FBN1: variants seen among roughly 807,000 people sequenced by gnomAD.
FBN1 encodes fibrillin-1.
Under a neutral mutation model 365.1 loss-of-function variants are expected in FBN1, and 29 were observed. The observed-to-expected ratio is 0.08, with a 90% CI of 0.06 to 0.11. FBN1 has a LOEUF of 0.11. FBN1 is among the 10% of genes least tolerant of loss of function. The pLI is 1.00. For missense variants in FBN1, 2,476 were observed against 3,703.2 expected, an observed-to-expected ratio of 0.67 and a Z score of 8.60; for synonymous variants, 1,210 against 1,270.5, an observed-to-expected ratio of 0.95 and a Z score of 1.01.
chr15:48,621,516 T>C (rs1889764813), intron 2 of FBN1, among the ~76,000 whole-genome samples: 1 of 152,136 alleles, frequency 6.6e-6, no homozygotes, highest in Admixed American at 6.5e-5. Flanking sequence ...CTAAAAACTG[T>C]CAAGGTCATT....
At chr15:48,458,623 TA>T (rs1187611017) in intron 43 of FBN1, among the ~76,000 whole-genome samples, 1 of 152,236 alleles carries the variant, frequency 6.6e-6, no homozygotes, top group Non-Finnish European at 1.5e-5. Context: ...AGTTTAACAA[TA>T]ACGGGCTGAG....
chr15:48,416,901 T>C (rs1466960539), intron 63 of FBN1, among the ~76,000 whole-genome samples: 4 of 152,260 alleles, frequency 2.6e-5, no homozygotes, highest in Non-Finnish European at 1.5e-5. Context: ...TGAATGTTTA[T>C]TAGATACCTA....
rs761188772 is a variant in FBN1 at position 48,460,264 on chromosome 15, A to C, written c.5278T>G (p.Tyr1760Asp). 1 of 1,613,608 alleles carries C rather than the reference A, an allele frequency of 6.2e-7. No homozygotes were observed. The highest frequency in any genetic ancestry group is 1.1e-5 in the South Asian group (1 of 91,078). The change falls in exon 43 of 66, where the codon TAT becomes GAT. Residue 1760 changes from tyrosine (Y) to aspartate (D), a missense_variant. By Grantham distance (160) the Tyr-to-Asp change is radical. Transcript: ENST00000316623. The part of the protein sequence containing the change: ...SQRPGFVIDI[Y>D]TGLPVDIDEC... ...GACTCACCAACGGGTAAACCGGTATAAATGTCGATGACAAAGCCTGGCCTT... is the reference window on the plus strand; with the variant it reads ...GACTCACCAACGGGTAAACCGGTATCAATGTCGATGACAAAGCCTGGCCTT...
At chr15:48,455,837 G>GT (rs199519630) in intron 44 of FBN1, among the ~76,000 whole-genome samples, 38 of 149,454 alleles carry the variant, frequency 2.5e-4, no homozygotes, top group African/African-American at 6.6e-4. Context: ...AGACAAAAAA[G>GT]TTTTTTTTTT....
chr15:48,580,556 C>T (rs569088831), intron 6 of FBN1, among the ~76,000 whole-genome samples: 23 of 152,202 alleles, frequency 1.5e-4, no homozygotes, highest in Non-Finnish European at 2.8e-4. Context: ...GTCAAAAGAC[C>T]GGGTTGTTCT....
At chr15:48,494,463 T>C (rs1223517761) in intron 22 of FBN1, among the ~76,000 whole-genome samples, 1 of 152,180 alleles carries the variant, frequency 6.6e-6, no homozygotes, top group African/African-American at 2.4e-5. Flanking sequence ...TAAAGCTCAA[T>C]TCCACTAAGA....
Position 48,425,818 on chromosome 15 carries a change from T to G in FBN1, c.7251A>C (p.Glu2417Asp). The change falls in exon 59 of 66, where the codon GAA becomes GAC. Residue 2417 changes from glutamate (E) to aspartate (D), a missense_variant. Around this residue, in one of 5 missense-constraint regions of FBN1, gnomAD observed 1,780 missense variants for 2,840.8 expected, o/e 0.63. Coordinates refer to ENST00000316623, the MANE Select transcript of FBN1 (RefSeq NM_000138.5). ...KVIHDVCRNG[E>D]CVNDRGSYHC... The stretch of plus-strand genomic sequence containing the variant: ...GATATGATCCTCTGTCATTGACACA[T>G]TCCCCATTTCGGCAAACATCGTGAA... 6.2e-7 allele frequency: 1 copy of G among 1,612,010 alleles called. No homozygotes were observed. The highest frequency in any genetic ancestry group is 8.5e-7 in the Non-Finnish European group (1 of 1,178,100).
chr15:48,547,721 T>TCACACACACACA (rs57915350), intron 6 of FBN1, among the ~76,000 whole-genome samples: 1 of 131,140 alleles, frequency 7.6e-6, no homozygotes, highest in South Asian at 2.8e-4. Context: ...CTTCTCTCTT[T>TCACACACACACA]CACACACACA....
At position 48,582,997 on chromosome 15, in the gene FBN1, T is replaced by G. The variant is rs571069395; in HGVS notation, c.538+13286A>C. Among the ~76,000 whole-genome samples, 337 of 152,242 alleles carry G rather than the reference T, an allele frequency of 2.2e-3. 1 individual carries two copies. The highest frequency in any genetic ancestry group is 7.9e-3 in the African/African-American group (328 of 41,532). On this transcript the variant is annotated intron_variant, in intron 6 of 65. Transcript: ENST00000316623. ...AAACTTCTAATGTGCTATAGAAAAA[T>G]GTACAGAGCTCCTATTCCCAGCGTG...
At chr15:48,600,936 T>C (rs1429176635) in intron 4 of FBN1, among the ~76,000 whole-genome samples, 1 of 152,064 alleles carries the variant, frequency 6.6e-6, no homozygotes, top group Non-Finnish European at 1.5e-5. Context: ...CAGTTAAGAG[T>C]AGCAAATTCC....
intron 10 of FBN1, among the ~76,000 whole-genome samples, 163 bp downstream of exon 10, chr15:48,520,496 T>C (rs2043842409): frequency 6.6e-6 from 1 of 152,206 alleles, no homozygotes; most frequent in South Asian, 2.1e-4. Flanking sequence ...CCCTTTTTTT[T>C]TCCTGTGCAT....
intron 6 of FBN1, among the ~76,000 whole-genome samples, chr15:48,554,680 A>G (rs913484076): frequency 2.0e-5 from 3 of 152,202 alleles, no homozygotes; most frequent in Admixed American, 6.5e-5. Flanking sequence ...TACATGACAT[A>G]TACTCTGTAA....
intron 6 of FBN1, among the ~76,000 whole-genome samples, chr15:48,540,404 ATC>A (rs2044049134): frequency 6.6e-6 from 1 of 152,166 alleles, no homozygotes; most frequent in Non-Finnish European, 1.5e-5. Flanking sequence ...ATACTTTTGA[ATC>A]CTGCTGGATT....
At chr15:48,575,033 G>A (rs983316670) in intron 6 of FBN1, among the ~76,000 whole-genome samples, 2 of 152,054 alleles carry the variant, frequency 1.3e-5, no homozygotes, top group Admixed American at 6.6e-5. Context: ...ACATAAAAAC[G>A]GGTTCCAGAA....
At chr15:48,415,425 T>A in intron 64 of FBN1, 111 bp downstream of exon 64, 1 of 850,452 alleles carries the variant, frequency 1.2e-6, no homozygotes, top group East Asian at 2.6e-5. Context: ...ATTTTAGGAT[T>A]ACAAAAAGCA....
intron 22 of FBN1, 123 bp from the exon 23 acceptor site, chr15:48,494,377 G>A (rs549002602): frequency 2.6e-6 from 2 of 761,296 alleles, no homozygotes; most frequent in East Asian, 5.0e-5. Context: ...AGATTGTGTT[G>A]CTATAAGTAT....
chr15:48,580,026 C>G (rs2044379093), intron 6 of FBN1, among the ~76,000 whole-genome samples: 1 of 152,142 alleles, frequency 6.6e-6, no homozygotes, highest in Admixed American at 6.6e-5. Flanking sequence ...TTCTTTCTCT[C>G]TTACAGTTAC....
intron 45 of FBN1, among the ~76,000 whole-genome samples, chr15:48,450,250 G>GAGGTATGC (rs1434811085): frequency 2.6e-5 from 4 of 152,306 alleles, no homozygotes; most frequent in African/African-American, 7.2e-5. Flanking sequence ...ACTGGACCTG[G>GAGGTATGC]AGGTATGCAG....
intron 48 of FBN1, 90 bp downstream of exon 48, chr15:48,445,286 C>T: frequency 6.9e-7 from 1 of 1,449,118 alleles, no homozygotes; most frequent in Non-Finnish European, 9.7e-7. Flanking sequence ...CTCCAGGTTT[C>T]CAGAAAGAAG....
Sources: gnomAD v4.1 joint callset for allele counts (sites outside exome capture counted in the v4.1 genomes callset) on GRCh38, gnomAD v4.1.1 for gene constraint, gnomAD v4.1.1 regional missense constraint, MANE v1.5 for transcripts, NCBI Gene and HGNC (gene_info 2026-07-23, HGNC 2026-07-21) for gene names.